The following PDCL2 variants were observed in gnomAD, a reference collection of about 807,000 sequenced individuals.
The protein encoded by PDCL2 is phosducin like 2.
PDCL2 carries 23 observed loss-of-function variants against 30.3 expected under a neutral mutation model. The observed-to-expected ratio is 0.76, with a 90% confidence interval of 0.55 to 1.08. The LOEUF is 1.08. PDCL2 is among the 50% of genes least tolerant of loss of function. PDCL2 has a pLI of 0.00. For synonymous variants in PDCL2, 68 were observed against 86.2 expected (o/e 0.79, Z 1.17); for missense variants, 243 against 282.3 (o/e 0.86, Z 1.00).
rs1309452032 is a variant in PDCL2, at chr4:55,556,620, T to C, written c.663A>G (p.Ser221=). The change falls in exon 6 of 6, where the codon TCA becomes TCG. Residue 221 remains serine (S), a synonymous_variant. Coordinates refer to ENST00000295645, the MANE Select transcript of PDCL2 (RefSeq NM_152401.3). ...RKDMVDMMVS[S]IRNTSIHDDS... is the part of the protein sequence containing the mutation. ...CATCATGAATAGAAGTGTTTCTAAT[T>C]GAAGATACCATCATATCTACCATGT... The C allele has an allele frequency of 1.3e-6, 2 of 1,575,086 alleles. No homozygotes were observed. The highest frequency in any genetic ancestry group is 1.7e-6 in the Non-Finnish European group (2 of 1,157,058).
intron 1 of PDCL2, among the ~76,000 whole-genome samples, chr4:55,584,418 G>A (rs1171495612): frequency 3.3e-5 from 5 of 151,862 alleles, no homozygotes; most frequent in Admixed American, 1.3e-4. Flanking sequence ...CACCTCGCCC[G>A]GCTAATTTTT....
chr4:55,561,600 G>A (rs1191776503), intron 5 of PDCL2, among the ~76,000 whole-genome samples: 2 of 151,940 alleles, frequency 1.3e-5, no homozygotes, highest in East Asian at 1.9e-4. Flanking sequence ...AACAAAAACC[G>A]AAAACAGCCA....
rs201990428 is a variant in PDCL2 at position 55,557,384 on chromosome 4, A to C, written c.572-673T>G. On this transcript the variant is annotated intron_variant, in intron 5 of 5. Transcript: ENST00000295645. ...AGGTGAGGGCCTTCTTGCTGAAGTT[A>C]TCCCATGGCAGAATTCAAGTGAGTT... Among the ~76,000 whole-genome samples the C allele has an allele frequency of 3.9e-5, 6 of 152,270 alleles. No homozygotes were observed. In the East Asian group the frequency reaches 9.6e-4, roughly 24 times the overall value.
chr4:55,566,083 G>A (rs753728191), intron 4 of PDCL2, among the ~76,000 whole-genome samples: 3 of 139,952 alleles, frequency 2.1e-5, no homozygotes, highest in Admixed American at 7.8e-5. Flanking sequence ...AGGTTCAAGC[G>A]ATTCTCCTGC....
intron 1 of PDCL2, among the ~76,000 whole-genome samples, chr4:55,589,624 T>C (rs11935823): frequency 1.3e-5 from 2 of 152,208 alleles, no homozygotes; most frequent in South Asian, 2.1e-4. Flanking sequence ...CATCCTTTGA[T>C]GGACCAAACC....
intron 1 of PDCL2, among the ~76,000 whole-genome samples, chr4:55,588,046 C>A (rs1020258626): frequency 6.6e-6 from 1 of 152,036 alleles, no homozygotes; most frequent in Non-Finnish European, 1.5e-5. Context: ...AGCTATAGGA[C>A]TTTGATGCAG....
chr4:55,584,637 G>T (rs1407872746), intron 1 of PDCL2, among the ~76,000 whole-genome samples: 2 of 152,002 alleles, frequency 1.3e-5, no homozygotes, highest in African/African-American at 2.4e-5. Flanking sequence ...AGTTTTTTTG[G>T]TGGGGACTTT....
At chr4:55,557,709 A>C (rs1206479455) in intron 5 of PDCL2, among the ~76,000 whole-genome samples, 2 of 152,060 alleles carry the variant, frequency 1.3e-5, no homozygotes, top group African/African-American at 4.8e-5. Flanking sequence ...ACTTGTTCCA[A>C]CATCAACTCA....
intron 1 of PDCL2, among the ~76,000 whole-genome samples, chr4:55,585,550 A>T (rs374370284): frequency 6.6e-6 from 1 of 152,096 alleles, no homozygotes; most frequent in African/African-American, 2.4e-5. Flanking sequence ...ACAGACACAC[A>T]CACACACACA....
intron 1 of PDCL2, 88 bp from the exon 2 acceptor site, chr4:55,582,325 G>T: frequency 1.5e-6 from 2 of 1,354,412 alleles, no homozygotes; most frequent in East Asian, 2.4e-5. Context: ...GCACTTCCAA[G>T]TATTCAATTG....
chr4:55,584,250 G>GTTGTTGTT (rs1553908145), intron 1 of PDCL2, among the ~76,000 whole-genome samples: 3 of 149,942 alleles, frequency 2.0e-5, no homozygotes, highest in African/African-American at 7.4e-5. Flanking sequence ...TTTTGTTGTT[G>GTTGTTGTT]TTGTTTTGTT....
At position 55,560,193 on chromosome 4, in the gene PDCL2, G is replaced by A. The variant is rs868540960; in HGVS notation, c.571+2211C>T. ...TGATATCTGTCTCAAAAAAAAAGGG[G>A]GGGGGGACGAGATACACACTAAATT... On this transcript the variant is annotated intron_variant, in intron 5 of 5. Coordinates refer to ENST00000295645, the MANE Select transcript of PDCL2 (RefSeq NM_152401.3). Among the ~76,000 whole-genome samples, 618 of 145,860 alleles carry A rather than the reference G, an allele frequency of 4.2e-3. 18 individuals carry two copies. The highest frequency in any genetic ancestry group is 3.5e-3 in the Middle Eastern group (1 of 282).
At chr4:55,581,192 G>A (rs1055695412) in intron 2 of PDCL2, among the ~76,000 whole-genome samples, 7 of 152,078 alleles carry the variant, frequency 4.6e-5, no homozygotes, top group African/African-American at 1.7e-4. Context: ...CTACTCGGGA[G>A]GCTGAGGCAG....
At chr4:55,557,176 A>G (rs377177160) in intron 5 of PDCL2, among the ~76,000 whole-genome samples, 1 of 152,240 alleles carries the variant, frequency 6.6e-6, no homozygotes, top group African/African-American at 2.4e-5. Context: ...TAAAAGTGCT[A>G]CAATATCAAA....
At chr4:55,563,486 G>T (rs1227047113) in intron 4 of PDCL2, among the ~76,000 whole-genome samples, 1 of 152,198 alleles carries the variant, frequency 6.6e-6, no homozygotes, top group Non-Finnish European at 1.5e-5. Flanking sequence ...TTCGAGACCA[G>T]CCTGGCCAAC....
intron 1 of PDCL2, 43 bp from the exon 2 acceptor site, chr4:55,582,280 C>T: frequency 1.3e-6 from 2 of 1,526,712 alleles, no homozygotes; most frequent in Non-Finnish European, 1.8e-6. Context: ...TGGTTGTACA[C>T]TTTAATATGT....
rs1252356453 is a variant in PDCL2, at chr4:55,556,726, C to T, written c.572-15G>A. 3 of 1,502,164 alleles carry T rather than the reference C, an allele frequency of 2.0e-6. No homozygotes were observed. Among genetic ancestry groups the T allele is most frequent in the Admixed American group, 2.4e-5 (1 of 41,064 alleles). The allele number at this position is 1,502,164 out of a possible 1,614,324, so 93.1% of individuals were successfully genotyped here. A position where few individuals can be genotyped will look rare whatever the true frequency, so the allele number is the denominator to read the frequency against. On this transcript the variant is annotated splice_polypyrimidine_tract_variant and intron_variant, in intron 5 of 5. Coordinates refer to ENST00000295645, the MANE Select transcript of PDCL2 (RefSeq NM_152401.3). ...CCATTCAAGTTCTGTAATAAATAAC[C>T]CATCATTCAGTTAAAAATCTTGAAA...
intron 5 of PDCL2, among the ~76,000 whole-genome samples, chr4:55,557,322 C>T (rs6846764): frequency 0.75 from 114,604 of 152,052 alleles, 43,517 homozygotes; most frequent in East Asian, 0.9. Flanking sequence ...CTTATACTTC[C>T]GGAGGCTGGG....
At chr4:55,561,689 T>C (rs922203095) in intron 5 of PDCL2, among the ~76,000 whole-genome samples, 3 of 152,036 alleles carry the variant, frequency 2.0e-5, no homozygotes, top group African/African-American at 7.3e-5. Flanking sequence ...TGCCAAAAAA[T>C]GAATATATCA....
Sources: allele counts gnomAD v4.1 joint callset (sites outside exome capture counted in the v4.1 genomes callset), GRCh38; gene constraint gnomAD v4.1.1; transcripts MANE v1.5; gene names NCBI Gene and HGNC (gene_info 2026-07-23, HGNC 2026-07-21).